The following CHSY1 variants were observed in gnomAD, a reference collection of about 807,000 sequenced individuals.
CHSY1 encodes the protein chondroitin sulfate synthase 1, also known as N-acetylgalactosaminyl-proteoglycan 3-beta-glucuronosyltransferase 1.
Under a neutral mutation model 59.8 loss-of-function variants are expected in CHSY1, and 13 were observed. The ratio of observed to expected loss-of-function variants is 0.22; its 90% CI spans 0.14 to 0.35. The LOEUF (loss-of-function observed/expected upper bound fraction) is 0.35, where lower values mean the gene tolerates loss of function less well. CHSY1 is among the 10% of genes least tolerant of loss of function. The probability of loss-of-function intolerance (pLI) is 1.00; values close to 1 mark genes in which losing one functional copy is unlikely to be tolerated. For synonymous variants in CHSY1, 459 were observed against 401.2 expected (o/e 1.14, Z -1.72); for missense variants, 947 against 1,030.6 (o/e 0.92, Z 1.11).
chr15:101,249,351 T>C (rs1385347286), intron 1 of CHSY1, among the ~76,000 whole-genome samples: 4 of 148,640 alleles, frequency 2.7e-5, no homozygotes, highest in African/African-American at 5.1e-5. Flanking sequence ...ATATGGCTCA[T>C]CCTCGATTTC....
intron 2 of CHSY1, among the ~76,000 whole-genome samples, chr15:101,234,389 A>G (rs764296056): frequency 4.6e-5 from 7 of 152,054 alleles, no homozygotes; most frequent in Admixed American, 6.5e-5. Context: ...AGAAGAGAAG[A>G]GCCAGGCCTT....
At chr15:101,247,630 G>C (rs781317642) in intron 1 of CHSY1, among the ~76,000 whole-genome samples, 3 of 152,160 alleles carry the variant, frequency 2.0e-5, no homozygotes, top group Non-Finnish European at 2.9e-5. Flanking sequence ...GTGTCACTCA[G>C]GGCCTCCAAA....
chr15:101,212,816 A>G (rs2038695018), intron 2 of CHSY1, among the ~76,000 whole-genome samples: 1 of 152,254 alleles, frequency 6.6e-6, no homozygotes, highest in African/African-American at 2.4e-5. Context: ...ATAAACATGT[A>G]GAAAACACTT....
chr15:101,185,072 G>C (rs186125460), intron 2 of CHSY1, among the ~76,000 whole-genome samples: 1 of 152,326 alleles, frequency 6.6e-6, no homozygotes, highest in East Asian at 1.9e-4. Context: ...ATGGGCTTCG[G>C]GTGGTGCCCT....
rs769105634 is a variant in CHSY1 at position 101,178,990 on chromosome 15, GA to G, written c.817-11del. 1.1e-5 allele frequency: 17 copies of G among 1,612,014 alleles called. No individual in the cohort carries two copies. Among genetic ancestry groups the G allele is most frequent in the Non-Finnish European group, 1.4e-5 (17 of 1,178,868 alleles). On this transcript the variant is annotated splice_polypyrimidine_tract_variant and intron_variant, in intron 2 of 2. Transcript: ENST00000254190. ...AAAAAAGCTGCTGCATCTGTTACAG[GA>G]AAAAAAAGAGATCACAAATTTAGTA...
Position 101,176,873 on chromosome 15 carries a change from CT to C in CHSY1, c.*514del, listed in dbSNP as rs1332229318. The C allele has an allele frequency of 6.3e-6, 1 of 158,552 alleles. No homozygotes were observed. Among genetic ancestry groups the C allele is most frequent in the African/African-American group, 2.4e-5 (1 of 41,586 alleles). 9.8% of individuals were successfully genotyped at this position (158,552 alleles called of 1,614,324 possible). ...GAGTACCATGAGAGGAAATGATCAA[CT>C]CTGGAAAGCTCTCCTGAAGACAATG... On this transcript the variant is annotated 3_prime_UTR_variant, in exon 3 of 3. Coordinates refer to ENST00000254190, the MANE Select transcript of CHSY1 (RefSeq NM_014918.5).
chr15:101,205,937 G>A (rs1348961557), intron 2 of CHSY1, among the ~76,000 whole-genome samples: 1 of 151,398 alleles, frequency 6.6e-6, no homozygotes, highest in Non-Finnish European at 1.5e-5. Flanking sequence ...GGGCGAAAGA[G>A]AGAGACTCCG....
intron 1 of CHSY1, among the ~76,000 whole-genome samples, chr15:101,240,725 G>GA (rs990885039): frequency 2.6e-5 from 4 of 151,828 alleles, no homozygotes; most frequent in South Asian, 2.1e-4. Flanking sequence ...TTTTTGTGTG[G>GA]AAAAAAAATC....
intron 1 of CHSY1, among the ~76,000 whole-genome samples, chr15:101,250,176 A>C (rs8031268): frequency 0.27 from 41,384 of 152,180 alleles, 7,871 homozygotes; most frequent in African/African-American, 0.54. Flanking sequence ...ATTACCAGAC[A>C]ACTGATGCTC....
intron 1 of CHSY1, among the ~76,000 whole-genome samples, chr15:101,246,354 G>A (rs2039051044): frequency 2.4e-5 from 1 of 41,608 alleles, no homozygotes; most frequent in African/African-American, 1.0e-4. Context: ...AAATACGTGT[G>A]GCTTTTTTTT....
intron 2 of CHSY1, among the ~76,000 whole-genome samples, chr15:101,180,636 T>C (rs556842867): frequency 6.6e-6 from 1 of 152,270 alleles, no homozygotes; most frequent in African/African-American, 2.4e-5. Flanking sequence ...AAATCTCAAA[T>C]TCTTGTTTTA....
chr15:101,199,270 G>A (rs937292491), intron 2 of CHSY1, among the ~76,000 whole-genome samples: 5 of 152,188 alleles, frequency 3.3e-5, no homozygotes, highest in African/African-American at 4.8e-5. Context: ...TTGGGAGGCC[G>A]AGGTGGGTGG....
chr15:101,202,588 G>A (rs899993901), intron 2 of CHSY1, among the ~76,000 whole-genome samples: 3 of 147,628 alleles, frequency 2.0e-5, no homozygotes, highest in East Asian at 4.2e-4. Flanking sequence ...GGAGGATGGA[G>A]GGCATTTCTG....
intron 1 of CHSY1, among the ~76,000 whole-genome samples, chr15:101,250,028 T>C (rs2039090936): frequency 1.3e-5 from 2 of 152,210 alleles, no homozygotes; most frequent in South Asian, 4.1e-4. Context: ...AGACCATATA[T>C]GCTTTTCCCC....
chr15:101,188,550 T>TA (rs1453405495), intron 2 of CHSY1, among the ~76,000 whole-genome samples: 2 of 151,550 alleles, frequency 1.3e-5, no homozygotes, highest in East Asian at 3.9e-4. Flanking sequence ...TTTTGTGTTT[T>TA]AAAAACTGAA....
At chr15:101,244,427 G>T (rs149335277) in intron 1 of CHSY1, among the ~76,000 whole-genome samples, 1 of 152,190 alleles carries the variant, frequency 6.6e-6, no homozygotes, top group Non-Finnish European at 1.5e-5. Flanking sequence ...AAACGAGAAC[G>T]GGCTGCAGCT....
chr15:101,233,642 T>TG (rs2038912615), intron 2 of CHSY1, among the ~76,000 whole-genome samples: 1 of 152,080 alleles, frequency 6.6e-6, no homozygotes, highest in South Asian at 2.1e-4. Context: ...GTGCTGGGGT[T>TG]GGGGGGATAG....
At position 101,251,359 on chromosome 15, in the gene CHSY1, TC is replaced by T; in HGVS notation, c.97del (p.Glu33SerfsTer2). The T allele has an allele frequency of 8.6e-7, 1 of 1,156,594 alleles. No individual in the cohort carries two copies. The allele number at this position is 1,156,594 out of a possible 1,614,324, so 71.6% of individuals were successfully genotyped here. The part of the protein sequence containing the change: ...ASRLVLPRAS[E>X]LKRAGPRRRA... ...GCGCCGTGGGCCCGCTCGCTTCAGCTCGGAAGCCCGGGGCAGGACGAGCCGC... is the reference window on the plus strand; with the variant it reads ...GCGCCGTGGGCCCGCTCGCTTCAGCTGGAAGCCCGGGGCAGGACGAGCCGC... On this transcript the variant is annotated frameshift_variant, in exon 1 of 3. Transcript: ENST00000254190. LOFTEE classifies it high-confidence loss of function.
At chr15:101,224,697 C>A (rs2038822454) in intron 2 of CHSY1, among the ~76,000 whole-genome samples, 1 of 152,126 alleles carries the variant, frequency 6.6e-6, no homozygotes. Context: ...ACAGGCAATG[C>A]TAATACTTCA....
Sources: allele counts gnomAD v4.1 joint callset (sites outside exome capture counted in the v4.1 genomes callset), GRCh38; gene constraint gnomAD v4.1.1; transcripts MANE v1.5; gene names NCBI Gene and HGNC (gene_info 2026-07-23, HGNC 2026-07-21).